Variants in ANKHD1 observed in about 807,000 individuals in gnomAD.
ANKHD1 encodes ankyrin repeat and KH domain-containing protein 1.
A neutral mutation model predicts 230.5 loss-of-function variants in ANKHD1; 31 were observed. The ratio of observed to expected loss-of-function variants is 0.13; its 90% CI spans 0.10 to 0.18. The LOEUF (loss-of-function observed/expected upper bound fraction) is 0.18. Ranked by LOEUF, ANKHD1 falls within the 10% of genes least tolerant of loss-of-function variation. The pLI, the probability that ANKHD1 is intolerant of heterozygous loss-of-function variation, is 1.00. For synonymous variants in ANKHD1, 1,074 were observed against 1,117.6 expected (o/e 0.96, Z 0.78); for missense variants, 2,256 against 3,071.3 (o/e 0.73, Z 6.27).
chr5:140,467,781 G>A (rs1400061860), intron 10 of ANKHD1, among the ~76,000 whole-genome samples: 1 of 152,086 alleles, frequency 6.6e-6, no homozygotes, highest in Non-Finnish European at 1.5e-5. Context: ...CAAAAACAGG[G>A]AAACCTCAGA....
intron 1 of ANKHD1, among the ~76,000 whole-genome samples, chr5:140,423,715 G>A (rs1176590711): frequency 2.0e-5 from 3 of 152,062 alleles, no homozygotes; most frequent in Admixed American, 2.0e-4. Context: ...AAACATCTCA[G>A]GCTCATTAAT....
chr5:140,456,280 A>G (rs868857907), intron 7 of ANKHD1, among the ~76,000 whole-genome samples: 12 of 152,350 alleles, frequency 7.9e-5, no homozygotes, highest in African/African-American at 2.6e-4. Context: ...AAATGGCCAT[A>G]CTGCCCAAAG....
At chr5:140,422,813 G>A (rs1220724321) in intron 1 of ANKHD1, among the ~76,000 whole-genome samples, 3 of 121,552 alleles carry the variant, frequency 2.5e-5, no homozygotes, top group Admixed American at 8.6e-5. Context: ...CTGTCTTGGG[G>A]GGGAAAAAAG....
chr5:140,472,858 T>C (rs1750736046), intron 10 of ANKHD1, among the ~76,000 whole-genome samples: 2 of 152,118 alleles, frequency 1.3e-5, no homozygotes, highest in Non-Finnish European at 2.9e-5. Context: ...ATAGGAAATA[T>C]TTCTTTTGAA....
intron 29 of ANKHD1, among the ~76,000 whole-genome samples, chr5:140,530,995 A>G (rs1380534627): frequency 1.3e-5 from 2 of 152,276 alleles, no homozygotes; most frequent in African/African-American, 4.8e-5. Context: ...AGAAGCCTGC[A>G]TATGACTATC....
chr5:140,450,955 C>G (rs1169942212), intron 7 of ANKHD1, among the ~76,000 whole-genome samples: 1 of 151,950 alleles, frequency 6.6e-6, no homozygotes, highest in Non-Finnish European at 1.5e-5. Flanking sequence ...GACTTCAAGA[C>G]CAGCCTGGCC....
In ANKHD1 at chr5:140,537,858, A is replaced by T. The variant is rs1821262; in HGVS notation, c.7229-228A>T. ...TAAATAATCATTTGAGTTCTTTCAG[A>T]GAGTACTTAATCTTTTAAAAGACAG... On this transcript the variant is annotated intron_variant, in intron 31 of 33. Transcript: ENST00000360839. 2.2e-4 allele frequency among the ~76,000 whole-genome samples: 34 copies of T among 152,284 alleles called. No homozygotes were observed. In the East Asian group the frequency reaches 4.6e-3, roughly 21 times the overall value.
intron 1 of ANKHD1, among the ~76,000 whole-genome samples, chr5:140,412,487 A>T (rs1220865481): frequency 6.6e-6 from 1 of 152,216 alleles, no homozygotes; most frequent in Non-Finnish European, 1.5e-5. Context: ...TAATGAAATT[A>T]CTGTCATGTA....
intron 24 of ANKHD1, among the ~76,000 whole-genome samples, chr5:140,516,961 G>T (rs144364538): frequency 1.3e-5 from 2 of 152,014 alleles, no homozygotes; most frequent in Non-Finnish European, 2.9e-5. Context: ...AATGTAAACG[G>T]ATTAAATGCT....
At chr5:140,472,461 G>T (rs1776561552) in intron 10 of ANKHD1, 5 of 1,337,524 alleles carry the variant, frequency 3.7e-6, no homozygotes, top group Non-Finnish European at 4.8e-6. Context: ...AATAAAAAGA[G>T]ATTTGTATTG....
chr5:140,412,365 C>T (rs1452230411), intron 1 of ANKHD1, among the ~76,000 whole-genome samples: 1 of 152,128 alleles, frequency 6.6e-6, no homozygotes, highest in Non-Finnish European at 1.5e-5. Flanking sequence ...ATTATGTTGT[C>T]CAGGCTGGTC....
chr5:140,419,437 C>T (rs913037635), intron 1 of ANKHD1, among the ~76,000 whole-genome samples: 14 of 136,172 alleles, frequency 1.0e-4, no homozygotes, highest in African/African-American at 2.5e-4. Flanking sequence ...TGTGAGTTGT[C>T]TTCATTTTCT....
At chr5:140,472,253 C>T (rs1310199007) in intron 10 of ANKHD1, 2 of 1,612,846 alleles carry the variant, frequency 1.2e-6, no homozygotes, top group South Asian at 1.1e-5. Flanking sequence ...AGCAGGAGGA[C>T]ATGAAGACTA....
At chr5:140,537,677 CAAAA>C (rs755244007) in intron 31 of ANKHD1, 88 bp downstream of exon 31, 2 of 1,447,874 alleles carry the variant, frequency 1.4e-6, no homozygotes, top group African/African-American at 1.4e-5. Context: ...AAAAAACAAA[CAAAA>C]AAAACTTAGT....
At chr5:140,430,709 A>G (rs1005957288) in intron 1 of ANKHD1, among the ~76,000 whole-genome samples, 1 of 148,060 alleles carries the variant, frequency 6.8e-6, no homozygotes, top group African/African-American at 2.5e-5. Context: ...TCCAGGTTGA[A>G]GTGGAATGGC....
intron 10 of ANKHD1, among the ~76,000 whole-genome samples, chr5:140,466,580 A>G (rs1201732070): frequency 6.6e-6 from 1 of 152,192 alleles, no homozygotes; most frequent in Non-Finnish European, 1.5e-5. Flanking sequence ...CCTTAGAAGA[A>G]CTACATTAAT....
chr5:140,529,748 G>C lies in ANKHD1; in HGVS notation c.6802G>C (p.Ala2268Pro), dbSNP rs759387136. Residue 2268 changes from alanine (A) to proline (P), a missense_variant, in exon 29 of 34, where the codon GCA (alanine) becomes CCA (proline). Coordinates refer to ENST00000360839, the MANE Select transcript of ANKHD1 (RefSeq NM_017747.3). Reference protein sequence around the residue: ...LENMHPDNSKAPGFRPPSQRV... With the variant: ...LENMHPDNSKPPGFRPPSQRV... The stretch of plus-strand genomic sequence containing the variant: ...AAACATGCACCCTGATAACTCAAAG[G>C]CACCTGGCTTCAGACCACCTTCCCA... The C allele has an allele frequency of 5.6e-6, 9 of 1,614,140 alleles. No homozygotes were observed. Among genetic ancestry groups the C allele is most frequent in the Middle Eastern group, 1.6e-4 (1 of 6,062 alleles).
chr5:140,460,012 T>A (rs1392585924), intron 9 of ANKHD1, among the ~76,000 whole-genome samples: 3 of 152,166 alleles, frequency 2.0e-5, no homozygotes, highest in Admixed American at 6.5e-5. Flanking sequence ...TCTAATTGTT[T>A]GTGGCTTGTG....
In ANKHD1 at chr5:140,527,127, T is replaced by C; in HGVS notation, c.5087+53T>C. ...GCTTTCATATATTTTCCCTTTCTCATGTGAGATGGCTACCTAGTTAATTAA... is the reference window on the plus strand; with the variant it reads ...GCTTTCATATATTTTCCCTTTCTCACGTGAGATGGCTACCTAGTTAATTAA... On this transcript the variant is annotated intron_variant, in intron 27 of 33. Transcript: ENST00000360839. This position sits in a 1 kb window ranked among gnomAD's most constrained non-coding sequence, Gnocchi z 4.5. 6.5e-7 allele frequency: 1 copy of C among 1,541,646 alleles called. No individual in the cohort carries two copies. Among genetic ancestry groups the C allele is most frequent in the Non-Finnish European group, 8.7e-7 (1 of 1,143,456 alleles).
Sources: gnomAD v4.1 joint callset for allele counts (sites outside exome capture counted in the v4.1 genomes callset) on GRCh38, gnomAD v4.1.1 for gene constraint, Gnocchi (gnomAD v3.1) non-coding constraint, MANE v1.5 for transcripts, NCBI Gene and HGNC (gene_info 2026-07-23, HGNC 2026-07-21) for gene names.